GABRB1: variants seen among roughly 807,000 people sequenced by gnomAD.
GABRB1 encodes the protein gamma-aminobutyric acid receptor subunit beta-1.
A neutral mutation model predicts 51.6 loss-of-function variants in GABRB1; 17 were observed. The observed-to-expected ratio is 0.33, with a 90% confidence interval of 0.23 to 0.49. GABRB1 has a LOEUF of 0.49. Among genes scored for constraint, GABRB1 ranks in the 20% least tolerant of loss-of-function variants. GABRB1 has a pLI of 0.99. For missense variants in GABRB1, 410 were observed against 600.6 expected (o/e 0.68, Z 3.32); for synonymous variants, 247 against 218.9 (o/e 1.13, Z -1.14).
chr4:47,282,405 A>G (rs1050423764), intron 4 of GABRB1, among the ~76,000 whole-genome samples: 2 of 152,158 alleles, frequency 1.3e-5, no homozygotes, highest in Admixed American at 6.5e-5. Context: ...ATGCTAGCAC[A>G]TATATACTTT....
At position 47,400,546 on chromosome 4, in the gene GABRB1, C is replaced by CTCTCTCTCTCTCTCTT. The variant is rs10684391; in HGVS notation, c.545-2764_545-2763insTCTCTCTTTCTCTCTC. On this transcript the variant is annotated intron_variant, in intron 5 of 8. Transcript: ENST00000295454. ...AGGTAGTCTCTCTCTCTCTCTCTCT[C>CTCTCTCTCTCTCTCTT]TCTCTCTCAGTGACCCAACCTGCCT... Among the ~76,000 whole-genome samples, 1,371 of 150,846 alleles carry CTCTCTCTCTCTCTCTT rather than the reference C, an allele frequency of 9.1e-3. 10 individuals are homozygous for CTCTCTCTCTCTCTCTT. The highest frequency in any genetic ancestry group is 0.037 in the Middle Eastern group (11 of 294).
intron 1 of GABRB1, among the ~76,000 whole-genome samples, chr4:47,025,833 C>G (rs1245886079): frequency 6.6e-6 from 1 of 152,004 alleles, no homozygotes; most frequent in Non-Finnish European, 1.5e-5. Flanking sequence ...CCCCTCTCCT[C>G]TCACCACTGC....
intron 4 of GABRB1, among the ~76,000 whole-genome samples, chr4:47,206,681 G>A (rs1010166729): frequency 9.2e-5 from 14 of 151,616 alleles, no homozygotes; most frequent in Admixed American, 4.6e-4. Flanking sequence ...CTTATCCAAT[G>A]TCACAGAACT....
At chr4:47,382,591 T>C (rs1403347551) in intron 5 of GABRB1, among the ~76,000 whole-genome samples, 1 of 152,196 alleles carries the variant, frequency 6.6e-6, no homozygotes, top group Admixed American at 6.5e-5. Flanking sequence ...CTTGGAAGCA[T>C]TCAGCCTTCC....
At chr4:47,252,481 T>C (rs1224463734) in intron 4 of GABRB1, among the ~76,000 whole-genome samples, 1 of 150,878 alleles carries the variant, frequency 6.6e-6, no homozygotes, top group Non-Finnish European at 1.5e-5. Context: ...CAATTGACTA[T>C]CTAAGAAACC....
intron 5 of GABRB1, among the ~76,000 whole-genome samples, chr4:47,401,840 CATCT>C (rs748902414): frequency 0.031 from 1,293 of 41,494 alleles, 8 homozygotes; most frequent in Non-Finnish European, 0.043. Flanking sequence ...ATCTATCTAT[CATCT>C]ATCTATCTAT....
chr4:47,302,092 T>G (rs13114985), intron 4 of GABRB1, among the ~76,000 whole-genome samples: 44,862 of 152,062 alleles, frequency 0.3, 7,479 homozygotes, highest in Middle Eastern at 0.4. Context: ...AGATCAAGAT[T>G]AAACATAGCA....
chr4:47,180,138 A>G (rs1250958928), intron 4 of GABRB1, among the ~76,000 whole-genome samples: 1 of 151,684 alleles, frequency 6.6e-6, no homozygotes, highest in Admixed American at 6.6e-5. Flanking sequence ...TTTTTTTTCT[A>G]TCTAAAACTT....
At chr4:47,332,051 A>C (rs1309115339) in intron 5 of GABRB1, among the ~76,000 whole-genome samples, 1 of 152,238 alleles carries the variant, frequency 6.6e-6, no homozygotes, top group Non-Finnish European at 1.5e-5. Context: ...CAAACACCTG[A>C]GAAGAAAGCA....
intron 1 of GABRB1, among the ~76,000 whole-genome samples, chr4:47,019,544 T>G (rs1258211017): frequency 7.2e-6 from 1 of 139,472 alleles, no homozygotes; most frequent in African/African-American, 2.7e-5. Context: ...GTCAGCAGGT[T>G]TAGTTTCTCT....
intron 3 of GABRB1, chr4:47,033,005 C>CA (rs1359576028): frequency 1.5e-5 from 5 of 328,038 alleles, no homozygotes; most frequent in Non-Finnish European, 3.0e-5. Context: ...CACCTGGTGG[C>CA]AGGAGCAACA....
rs1727727515 is a variant in GABRB1 at position 47,079,486 on chromosome 4, T to A, written c.240+47002T>A. 5.9e-5 allele frequency among the ~76,000 whole-genome samples: 9 copies of A among 152,058 alleles called. No homozygotes were observed. The South Asian group carries it at 1.9e-3, about 32-fold the overall frequency. ...CCCTTTATCATTTTTTTTTGACCCA[T>A]CTCATTACTGGGTATATACCCAAAG... On this transcript the variant is annotated intron_variant, in intron 3 of 8. Transcript: ENST00000295454.
intron 8 of GABRB1, among the ~76,000 whole-genome samples, chr4:47,409,264 G>C (rs1473022261): frequency 6.6e-6 from 1 of 152,078 alleles, no homozygotes; most frequent in Non-Finnish European, 1.5e-5. Flanking sequence ...GTGCCTTTTT[G>C]GTACCCAGGT....
chr4:47,075,099 G>T (rs1459684535), intron 3 of GABRB1, among the ~76,000 whole-genome samples: 1 of 152,148 alleles, frequency 6.6e-6, no homozygotes, highest in Non-Finnish European at 1.5e-5. Flanking sequence ...AGAGCTACTA[G>T]CACTCAGAAT....
chr4:47,401,872 A>G lies in GABRB1; in HGVS notation c.545-1446A>G, dbSNP rs569810107. Among the ~76,000 whole-genome samples, 11 of 145,970 alleles carry G rather than the reference A, an allele frequency of 7.5e-5. No individual in the cohort carries two copies. In the South Asian group the frequency reaches 2.3e-3, roughly 31 times the overall value. ...CTATCTATCTATCTATCTATCATCTATCTATCTATCTGTGTATATTTTTCT... is the reference window on the plus strand; with the variant it reads ...CTATCTATCTATCTATCTATCATCTGTCTATCTATCTGTGTATATTTTTCT... On this transcript the variant is annotated intron_variant, in intron 5 of 8. Transcript: ENST00000295454.
chr4:47,237,166 A>C (rs946943508), intron 4 of GABRB1, among the ~76,000 whole-genome samples: 19 of 152,034 alleles, frequency 1.2e-4, no homozygotes, highest in African/African-American at 4.6e-4. Context: ...AACATCAAAA[A>C]TGTATATTAT....
intron 5 of GABRB1, among the ~76,000 whole-genome samples, chr4:47,337,345 G>A (rs1021631926): frequency 1.1e-4 from 17 of 152,200 alleles, no homozygotes; most frequent in Non-Finnish European, 2.5e-4. Flanking sequence ...AGAGCTGGTG[G>A]ATAAGCTATG....
At chr4:47,283,403 T>G (rs1411469705) in intron 4 of GABRB1, among the ~76,000 whole-genome samples, 1 of 94,274 alleles carries the variant, frequency 1.1e-5, no homozygotes, top group Non-Finnish European at 2.0e-5. Context: ...TTTTTTTTTT[T>G]GAGACAGAGT....
chr4:47,083,058 T>C (rs986118429), intron 3 of GABRB1, among the ~76,000 whole-genome samples: 1 of 152,162 alleles, frequency 6.6e-6, no homozygotes. Flanking sequence ...AATGTCTTGA[T>C]TGATTGTATG....
Sources: gnomAD v4.1 joint callset for allele counts (sites outside exome capture counted in the v4.1 genomes callset) on GRCh38, gnomAD v4.1.1 for gene constraint, MANE v1.5 for transcripts, NCBI Gene and HGNC (gene_info 2026-07-23, HGNC 2026-07-21) for gene names.